EFR3B: variants seen among roughly 807,000 people sequenced by gnomAD.
The protein encoded by EFR3B is EFR3 homolog B, also known as protein EFR3 homolog B.
EFR3B carries 64 observed loss-of-function variants against 104.7 expected under a neutral mutation model. That is an observed-to-expected ratio of 0.61 (90% CI 0.50 to 0.75). The LOEUF is 0.75. Ranked by LOEUF, EFR3B falls within the 30% of genes least tolerant of loss-of-function variation. The pLI, the probability that EFR3B is intolerant of heterozygous loss-of-function variation, is 0.00. For synonymous variants in EFR3B, 385 were observed against 417.9 expected (o/e 0.92, Z 0.96); for missense variants, 750 against 1,078.5 (o/e 0.70, Z 4.27).
At chr2:25,149,491 C>A (rs1670943088) in intron 19 of EFR3B, among the ~76,000 whole-genome samples, 1 of 152,194 alleles carries the variant, frequency 6.6e-6, no homozygotes, top group Non-Finnish European at 1.5e-5. Flanking sequence ...GAGGAATGAG[C>A]TTCCCCGCTG....
Position 25,136,726 on chromosome 2 carries a change from A to G in EFR3B, c.1560+128A>G, listed in dbSNP as rs1182398302. On this transcript the variant is annotated intron_variant, in intron 14 of 22. Transcript: ENST00000403714. The surrounding 1 kb of genome is among the most constrained non-coding windows in gnomAD (Gnocchi z 4.0). Reference sequence around the variant, plus strand: ...AGGTGGGGAGCTCGAGACCAGCCAGACCAACATGGTAAAATCCCATCTTTA... The same window carrying G: ...AGGTGGGGAGCTCGAGACCAGCCAGGCCAACATGGTAAAATCCCATCTTTA... The G allele has an allele frequency of 2.8e-6, 2 of 720,878 alleles. No homozygotes were observed. Among genetic ancestry groups the G allele is most frequent in the African/African-American group, 3.5e-5 (2 of 56,388 alleles). The allele number at this position is 720,878 out of a possible 1,614,324, so 44.7% of individuals were successfully genotyped here.
intron 1 of EFR3B, among the ~76,000 whole-genome samples, chr2:25,048,930 T>C (rs1667793433): frequency 6.6e-6 from 1 of 152,230 alleles, no homozygotes; most frequent in African/African-American, 2.4e-5. Flanking sequence ...CCACCCACCC[T>C]GTGGGGCTGC....
rs1266226699 is a variant in EFR3B, at chr2:25,074,678, C to T, written c.8-16647C>T. On this transcript the variant is annotated intron_variant, in intron 1 of 22. Transcript: ENST00000403714. Reference sequence around the variant, plus strand: ...TGTCACCCAGGCTGGAGTACCGTGGCGTGATCTCGGCTCACTGCAACCTCC... The same window carrying T: ...TGTCACCCAGGCTGGAGTACCGTGGTGTGATCTCGGCTCACTGCAACCTCC... Among the ~76,000 whole-genome samples, 14 of 149,334 alleles carry T rather than the reference C, an allele frequency of 9.4e-5. No individual in the cohort carries two copies. In the East Asian group the frequency reaches 1.0e-3, roughly 11 times the overall value.
intron 1 of EFR3B, among the ~76,000 whole-genome samples, chr2:25,065,510 A>G (rs1327130395): frequency 6.6e-6 from 1 of 151,920 alleles, no homozygotes; most frequent in African/African-American, 2.4e-5. Flanking sequence ...ATATTTTACA[A>G]TGCTCTTGAG....
At chr2:25,107,156 G>T (rs990704223) in intron 4 of EFR3B, among the ~76,000 whole-genome samples, 3 of 152,128 alleles carry the variant, frequency 2.0e-5, no homozygotes, top group East Asian at 1.9e-4. Context: ...GAATCTGGGG[G>T]GTGGCAAGGT....
At chr2:25,129,251 T>C (rs1430747312) in intron 6 of EFR3B, among the ~76,000 whole-genome samples, 2 of 150,252 alleles carry the variant, frequency 1.3e-5, no homozygotes, top group Non-Finnish European at 3.0e-5. Context: ...CTGTCCCACC[T>C]GGGCTATCTG....
intron 10 of EFR3B, 78 bp from the exon 11 acceptor site, chr2:25,132,825 T>C (rs2149206249): frequency 8.1e-7 from 1 of 1,233,932 alleles, no homozygotes; most frequent in Non-Finnish European, 1.2e-6. Flanking sequence ...GCCCTCGCTC[T>C]CTGCAGCTGA....
At position 25,143,977 on chromosome 2, in the gene EFR3B, C is replaced by T. The variant is rs1036351022; in HGVS notation, c.2050+115C>T. On this transcript the variant is annotated intron_variant, in intron 18 of 22. Transcript: ENST00000403714. Reference sequence around the variant, plus strand: ...ATTGCCTGTGAGGCACCTTGGATGTCGTGAGAGCTGAAAGACACAGTGGAA... The same window carrying T: ...ATTGCCTGTGAGGCACCTTGGATGTTGTGAGAGCTGAAAGACACAGTGGAA... 4.7e-5 allele frequency: 65 copies of T among 1,377,032 alleles called. No individual in the cohort carries two copies. In the East Asian group the frequency reaches 1.1e-3, roughly 24 times the overall value. 85.3% of individuals were successfully genotyped at this position (1,377,032 alleles called of 1,614,324 possible). A position where few individuals can be genotyped will look rare whatever the true frequency, so the allele number is the denominator to read the frequency against.
intron 1 of EFR3B, among the ~76,000 whole-genome samples, chr2:25,069,720 G>A (rs1158562929): frequency 2.0e-5 from 3 of 152,150 alleles, no homozygotes; most frequent in African/African-American, 4.8e-5. Flanking sequence ...TTTTTGAGAC[G>A]GAGTCTTGCT....
intron 21 of EFR3B, among the ~76,000 whole-genome samples, chr2:25,152,573 G>C (rs979537778): frequency 6.6e-6 from 1 of 152,088 alleles, no homozygotes; most frequent in South Asian, 2.1e-4. Flanking sequence ...GAACAGCCAG[G>C]CCTTGGCAAA....
chr2:25,100,553 C>T (rs1054481657), intron 3 of EFR3B, among the ~76,000 whole-genome samples: 9 of 152,106 alleles, frequency 5.9e-5, no homozygotes, highest in East Asian at 1.9e-4. Context: ...AGTGCAGTGG[C>T]GCTATCTCGG....
chr2:25,108,285 C>T (rs752733030), intron 4 of EFR3B, among the ~76,000 whole-genome samples: 69 of 152,164 alleles, frequency 4.5e-4, no homozygotes, highest in Non-Finnish European at 7.3e-4. Flanking sequence ...TGCCTCATTG[C>T]ATGATGGGTC....
chr2:25,103,332 A>T (rs1669473906), intron 3 of EFR3B, among the ~76,000 whole-genome samples: 1 of 152,172 alleles, frequency 6.6e-6, no homozygotes, highest in Non-Finnish European at 1.5e-5. Flanking sequence ...GTGAGCATCA[A>T]TCTTGCTCTT....
intron 17 of EFR3B, among the ~76,000 whole-genome samples, chr2:25,141,693 A>C (rs949730012): frequency 1.3e-5 from 2 of 152,270 alleles, no homozygotes; most frequent in Non-Finnish European, 2.9e-5. Context: ...GGCCAAGCCC[A>C]TGCTAAATGC....
rs923718740 is a variant in EFR3B, at chr2:25,114,198, T to G, written c.364-7475T>G. On this transcript the variant is annotated intron_variant, in intron 4 of 22. Coordinates refer to ENST00000403714, the MANE Select transcript of EFR3B (RefSeq NM_014971.2). The surrounding 1 kb of genome is among the most constrained non-coding windows in gnomAD (Gnocchi z 4.0). ...AATCACTGTCACCAAAATTTCCAGC[T>G]TGGCCCCCTCATGTCAACCCCTGGA... Among the ~76,000 whole-genome samples, 1 of 152,168 alleles carries G rather than the reference T, an allele frequency of 6.6e-6. No homozygotes were observed. The highest frequency in any genetic ancestry group is 2.4e-5 in the African/African-American group (1 of 41,424).
chr2:25,129,455 GTCC>G (rs141162830), intron 6 of EFR3B, among the ~76,000 whole-genome samples: 32,319 of 151,414 alleles, frequency 0.21, 3,977 homozygotes, highest in Admixed American at 0.38. Context: ...TGGGCTGGGA[GTCC>G]TCCGGCTCCT....
intron 6 of EFR3B, among the ~76,000 whole-genome samples, chr2:25,128,737 T>G (rs1029801327): frequency 7.9e-5 from 12 of 151,392 alleles, no homozygotes; most frequent in African/African-American, 2.9e-4. Context: ...GGCGGGCAGA[T>G]CACGAGGTCA....
intron 1 of EFR3B, among the ~76,000 whole-genome samples, chr2:25,070,874 T>C (rs1360831128): frequency 6.6e-6 from 1 of 152,260 alleles, no homozygotes; most frequent in Non-Finnish European, 1.5e-5. Context: ...TTCGGATTAA[T>C]GCAGAGATCC....
chr2:25,128,392 G>A (rs750101032), intron 6 of EFR3B, 60 bp downstream of exon 6: 10 of 1,542,596 alleles, frequency 6.5e-6, no homozygotes, highest in Non-Finnish European at 7.9e-6. Flanking sequence ...GGGCTGCTTG[G>A]GAACCACATG....
Sources: gnomAD v4.1 joint callset for allele counts (sites outside exome capture counted in the v4.1 genomes callset) on GRCh38, gnomAD v4.1.1 for gene constraint, Gnocchi (gnomAD v3.1) non-coding constraint, MANE v1.5 for transcripts, NCBI Gene and HGNC (gene_info 2026-07-23, HGNC 2026-07-21) for gene names.